GCN1: variants seen among roughly 807,000 people sequenced by gnomAD.
GCN1 encodes the protein stalled ribosome sensor GCN1.
A neutral mutation model predicts 288.4 loss-of-function variants in GCN1; 90 were observed. The ratio of observed to expected loss-of-function variants is 0.31; its 90% CI spans 0.26 to 0.37. The LOEUF is 0.37. Ranked by LOEUF, GCN1 falls within the 10% of genes least tolerant of loss-of-function variation. GCN1 has a pLI of 1.00. For synonymous variants in GCN1, 1,386 were observed against 1,420.2 expected, an observed-to-expected ratio of 0.98 and a Z score of 0.54; for missense variants, 2,586 against 3,419.9, an observed-to-expected ratio of 0.76 and a Z score of 6.08.
chr12:120,179,767 G>A (rs1425005880), intron 5 of GCN1, among the ~76,000 whole-genome samples: 3 of 151,620 alleles, frequency 2.0e-5, no homozygotes, highest in Non-Finnish European at 4.4e-5. Flanking sequence ...ATACACAAAT[G>A]AACATACAAT....
At chr12:120,163,676 T>C (rs1878008892) in intron 18 of GCN1, among the ~76,000 whole-genome samples, 1 of 152,058 alleles carries the variant, frequency 6.6e-6, no homozygotes, top group Admixed American at 6.5e-5. Flanking sequence ...TTTGAACTCC[T>C]AGAACCCTGG....
In GCN1 at chr12:120,159,835, G is replaced by C; in HGVS notation, c.2739C>G (p.Leu913=). 6.2e-7 allele frequency: 1 copy of C among 1,614,052 alleles called. No homozygotes were observed. The highest frequency in any genetic ancestry group is 1.1e-5 in the South Asian group (1 of 91,076). Residue 913 remains leucine, a synonymous_variant, in exon 24 of 58, where the codon CTC becomes CTG. Transcript: ENST00000300648. ...CAAACAAGGACTAACCCAAAGCCTT[G>C]AGCCTAGAGGGCATGACACAGGCAG... ...SLAACVMPSR[L]KALGTLVSHV... is the part of the protein sequence containing the mutation.
chr12:120,141,158 A>T, intron 44 of GCN1, 135 bp from the exon 45 acceptor site: 1 of 726,624 alleles, frequency 1.4e-6, no homozygotes, highest in Non-Finnish European at 2.3e-6. Context: ...AAATGCTCTT[A>T]CCCCTAAAGA....
Position 120,177,540 on chromosome 12 carries a change from G to A in GCN1, c.745C>T (p.Leu249=). Residue 249 remains leucine (L), a synonymous_variant, in exon 9 of 58, where the codon CTG becomes TTG. Coordinates refer to ENST00000300648, the MANE Select transcript of GCN1 (RefSeq NM_006836.2). Reference sequence around the variant, plus strand: ...TCTGAGTGGGACAGGTATCGGAGCAGAGGGGCACAGCTATCCTACAAAGAA... The same window carrying A: ...TCTGAGTGGGACAGGTATCGGAGCAAAGGGGCACAGCTATCCTACAAAGAA... ...PKYLLDSCAP[L]LRYLSHSEFK... The A allele has an allele frequency of 5.6e-6, 9 of 1,608,888 alleles. No individual in the cohort carries two copies. The highest frequency in any genetic ancestry group is 6.8e-6 in the Non-Finnish European group (8 of 1,175,244).
In GCN1 at chr12:120,153,718, G is replaced by T. The variant is rs765761985; in HGVS notation, c.3867+26C>A. ...CTGGGACCCCCTTACCTTCCCGTGGGTGTTCCCTGGCTGGGACCCCCTTAC... is the reference window on the plus strand; with the variant it reads ...CTGGGACCCCCTTACCTTCCCGTGGTTGTTCCCTGGCTGGGACCCCCTTAC... On this transcript the variant is annotated intron_variant, in intron 32 of 57. Coordinates refer to ENST00000300648, the MANE Select transcript of GCN1 (RefSeq NM_006836.2). This position sits in a 1 kb window ranked among gnomAD's most constrained non-coding sequence, Gnocchi z 4.4. 9.9e-6 allele frequency: 16 copies of T among 1,608,900 alleles called. No homozygotes were observed. Among genetic ancestry groups the T allele is most frequent in the Non-Finnish European group, 1.4e-5 (16 of 1,176,476 alleles).
chr12:120,170,249 C>T lies in GCN1; in HGVS notation c.1439G>A (p.Ser480Asn). ...IQTVEKAASQ[S>N]TQVPTITEGV... is the part of the protein sequence containing the mutation. ...TTCAGTGATGGTGGGAACCTGAGTG[C>T]TTTGGGAGGCTGCCTTCTCCACTGT... The change falls in exon 15 of 58, where the codon AGC (serine) becomes AAC (asparagine). Residue 480 changes from serine (S) to asparagine (N), a missense_variant. By Grantham distance (46) the Ser-to-Asn change is conservative. Coordinates refer to ENST00000300648, the MANE Select transcript of GCN1 (RefSeq NM_006836.2). 1.2e-6 allele frequency: 2 copies of T among 1,614,090 alleles called. No homozygotes were observed. Among genetic ancestry groups the T allele is most frequent in the Non-Finnish European group, 1.7e-6 (2 of 1,179,932 alleles).
rs1348753491 is a variant in GCN1 at position 120,177,444 on chromosome 12, T to C, written c.838+3A>G. On this transcript the variant is annotated splice_donor_region_variant and intron_variant, in intron 9 of 57. Coordinates refer to ENST00000300648, the MANE Select transcript of GCN1 (RefSeq NM_006836.2). ...CCCACCATCCTGGTTGACAGCAACC[T>C]ACTTTCAATAACATTCTCTGGACTC... 1 of 1,476,590 alleles carries C rather than the reference T, an allele frequency of 6.8e-7. No homozygotes were observed. Among genetic ancestry groups the C allele is most frequent in the Admixed American group, 1.7e-5 (1 of 59,390 alleles). 91.5% of individuals were successfully genotyped at this position (1,476,590 alleles called of 1,614,324 possible).
intron 19 of GCN1, 28 bp downstream of exon 19, chr12:120,163,042 C>T (rs748787523): frequency 5.7e-5 from 92 of 1,613,034 alleles, no homozygotes; most frequent in Non-Finnish European, 7.2e-5. Context: ...AAGCTCTGGG[C>T]TCTCCCACAC....
chr12:120,185,889 G>C (rs776280560), intron 2 of GCN1, among the ~76,000 whole-genome samples: 1 of 152,056 alleles, frequency 6.6e-6, no homozygotes, highest in Non-Finnish European at 1.5e-5. Flanking sequence ...GTGAGCCATC[G>C]CACCCGGATT....
In GCN1 at chr12:120,175,171, C is replaced by T. The variant is rs374519500; in HGVS notation, c.1084G>A (p.Val362Ile). ...AAAAGAAATCCTATACCTGAGAGGA[C>T]GCTCATCTTCTGGGCTACAACAGTT... Reference protein sequence around the residue: ...KLTVVAQKMSVLSGIGSVSHH... With the variant: ...KLTVVAQKMSILSGIGSVSHH... The change falls in exon 12 of 58, where the codon GTC (valine) becomes ATC (isoleucine). Residue 362 changes from valine (V) to isoleucine (I), a missense_variant. This residue lies in a region of GCN1 where 913 missense variants were observed against 1,107.0 expected (regional missense o/e 0.82). Transcript: ENST00000300648. 8.2e-6 allele frequency: 13 copies of T among 1,594,440 alleles called. No individual in the cohort carries two copies. Among genetic ancestry groups the T allele is most frequent in the African/African-American group, 5.4e-5 (4 of 74,096 alleles).
intron 37 of GCN1, 98 bp from the exon 38 acceptor site, chr12:120,147,370 T>A: frequency 1.8e-6 from 1 of 545,350 alleles, no homozygotes; most frequent in Non-Finnish European, 3.1e-6. Context: ...GAGAAGGGAG[T>A]CTGGCACACC....
At chr12:120,188,428 T>A (rs1261344908) in intron 2 of GCN1, among the ~76,000 whole-genome samples, 1 of 128,946 alleles carries the variant, frequency 7.8e-6, no homozygotes, top group Admixed American at 8.0e-5. Flanking sequence ...AGGGAGACTC[T>A]GTCTCACCAA....
intron 2 of GCN1, among the ~76,000 whole-genome samples, chr12:120,189,457 G>A (rs1878934436): frequency 6.6e-6 from 1 of 150,716 alleles, no homozygotes; most frequent in Non-Finnish European, 1.5e-5. Flanking sequence ...CCACCTCCCA[G>A]GTTCAAGCAA....
intron 34 of GCN1, among the ~76,000 whole-genome samples, chr12:120,150,773 TA>T (rs1426685822): frequency 1.3e-5 from 2 of 151,190 alleles, no homozygotes; most frequent in African/African-American, 4.9e-5. Flanking sequence ...CCGCCTCTAC[TA>T]AAAATACAAA....
Position 120,152,719 on chromosome 12 carries a change from CAAAG to C in GCN1, c.4062+490_4062+493del, listed in dbSNP as rs940923018. 4.7e-5 allele frequency among the ~76,000 whole-genome samples: 7 copies of C among 147,624 alleles called. No homozygotes were observed. In the Admixed American group the frequency reaches 4.7e-4, roughly 10 times the overall value. ...ATACATACATGCGTGTTTTTCAAAA[CAAAG>C]AAAAAGAAATTTATTTGCACTGTAG... is the stretch of plus-strand genomic sequence containing the variant. On this transcript the variant is annotated intron_variant, in intron 33 of 57. Coordinates refer to ENST00000300648, the MANE Select transcript of GCN1 (RefSeq NM_006836.2).
rs186628126 is a variant in GCN1, at chr12:120,153,181, G to C, written c.4062+32C>G. On this transcript the variant is annotated intron_variant, in intron 33 of 57. Transcript: ENST00000300648. This position sits in a 1 kb window ranked among gnomAD's most constrained non-coding sequence, Gnocchi z 4.4. The stretch of plus-strand genomic sequence containing the variant: ...ACAGCCGGGTCCCAATTCTCTAACC[G>C]ACATGTGGGTCCCAGGCCAGATGGC... 2.9e-5 allele frequency: 46 copies of C among 1,595,170 alleles called. 1 individual carries two copies. The Middle Eastern group carries it at 5.1e-4, about 18-fold the overall frequency.
chr12:120,130,749 G>C lies in GCN1; in HGVS notation c.7568C>G (p.Pro2523Arg), dbSNP rs555079874. 4 of 1,608,248 alleles carry C rather than the reference G, an allele frequency of 2.5e-6. No individual in the cohort carries two copies. Among genetic ancestry groups the C allele is most frequent in the Non-Finnish European group, 3.4e-6 (4 of 1,175,116 alleles). ...ILSSATADRI[P>R]IAVSGVRGMG... is the part of the protein sequence containing the mutation. ...GCCCCGGACCCCGCTCACCGCAATG[G>C]GGATCTGTGGAGAACAGACAGCGCT... The change falls in exon 56 of 58, where the codon CCC (proline) becomes CGC (arginine). Residue 2523 changes from proline (P) to arginine (R), a missense_variant. Physicochemically the swap from Pro to Arg is moderately radical, Grantham distance 103. Transcript: ENST00000300648.
At chr12:120,182,171 A>C (rs1004804249) in intron 5 of GCN1, among the ~76,000 whole-genome samples, 8 of 151,922 alleles carry the variant, frequency 5.3e-5, no homozygotes, top group African/African-American at 9.6e-5. Context: ...AAAAAAAAAA[A>C]ACAAAAAAAA....
chr12:120,129,779 C>T lies in GCN1; in HGVS notation c.7672-285G>A, dbSNP rs2240313. Among the ~76,000 whole-genome samples, 799 of 152,272 alleles carry T rather than the reference C, an allele frequency of 5.2e-3. 28 individuals carry two copies. In the East Asian group the frequency reaches 0.076, roughly 15 times the overall value. ...CCCACAGCTTGGGCCGTGCTTGCCCCGGATCCTCTCTAGGTTAGTTCCTTC... is the reference window on the plus strand; with the variant it reads ...CCCACAGCTTGGGCCGTGCTTGCCCTGGATCCTCTCTAGGTTAGTTCCTTC... On this transcript the variant is annotated intron_variant, in intron 56 of 57. Coordinates refer to ENST00000300648, the MANE Select transcript of GCN1 (RefSeq NM_006836.2).
Sources: allele counts gnomAD v4.1 joint callset (sites outside exome capture counted in the v4.1 genomes callset), GRCh38; gene constraint gnomAD v4.1.1; regional missense constraint gnomAD v4.1.1; non-coding constraint Gnocchi (gnomAD v3.1); transcripts MANE v1.5; gene names NCBI Gene and HGNC (gene_info 2026-07-23, HGNC 2026-07-21).